MYRIP: variants seen among roughly 807,000 people sequenced by gnomAD.
The protein encoded by MYRIP is myosin VIIA and Rab interacting protein.
Under a neutral mutation model 98.0 loss-of-function variants are expected in MYRIP, and 49 were observed. The ratio of observed to expected loss-of-function variants is 0.50; its 90% CI spans 0.40 to 0.63. The LOEUF is 0.63. Ranked by LOEUF, MYRIP falls within the 30% of genes least tolerant of loss-of-function variation. The probability of loss-of-function intolerance (pLI) is 0.00; values close to 1 mark genes in which losing one functional copy is unlikely to be tolerated. For synonymous variants in MYRIP, 404 were observed against 409.5 expected (o/e 0.99, Z 0.16); for missense variants, 1,004 against 1,058.2 (o/e 0.95, Z 0.71).
chr3:40,192,248 A>C (rs61240723), intron 10 of MYRIP, among the ~76,000 whole-genome samples: 127,278 of 140,046 alleles, frequency 0.91, 57,987 homozygotes, highest in Middle Eastern at 0.96. Flanking sequence ...AGCCACTGCA[A>C]CAGGCCCTCA....
intron 9 of MYRIP, among the ~76,000 whole-genome samples, chr3:40,183,352 T>G (rs1950942467): frequency 6.6e-6 from 1 of 152,166 alleles, no homozygotes; most frequent in Non-Finnish European, 1.5e-5. Context: ...TCTTCCTGAT[T>G]CCTCCCCCTA....
At chr3:40,023,558 A>G (rs1947051506) in intron 2 of MYRIP, among the ~76,000 whole-genome samples, 1 of 152,178 alleles carries the variant, frequency 6.6e-6, no homozygotes, top group South Asian at 2.1e-4. Context: ...CACTGCAAGA[A>G]GGAACCAAGC....
intron 3 of MYRIP, among the ~76,000 whole-genome samples, chr3:40,129,440 CAAAAAAAAAAAAAAA>C (rs386396419): frequency 4.4e-4 from 13 of 29,356 alleles, no homozygotes; most frequent in Non-Finnish European, 4.8e-4. Context: ...GACTCTGTCT[CAAAAAAAAAAAAAAA>C]AAAAAAAAAA....
chr3:39,843,763 A>T (rs1941878246), intron 1 of MYRIP, among the ~76,000 whole-genome samples: 1 of 152,180 alleles, frequency 6.6e-6, no homozygotes. Context: ...TGTATCAGGA[A>T]GGGGTATAGT....
intron 1 of MYRIP, among the ~76,000 whole-genome samples, chr3:39,832,107 C>G (rs1281043280): frequency 6.6e-6 from 1 of 152,146 alleles, no homozygotes; most frequent in African/African-American, 2.4e-5. Context: ...TTCCTCTCAC[C>G]CTGTGTGCAT....
In MYRIP at chr3:40,113,713, A is replaced by C. The variant is rs552512074; in HGVS notation, c.333-37335A>C. Among the ~76,000 whole-genome samples the C allele has an allele frequency of 1.6e-4, 25 of 152,164 alleles. No individual in the cohort carries two copies. The South Asian group carries it at 4.8e-3, about 29-fold the overall frequency. ...GTTTGTTTTTTTGTTTTTTTGAGAC[A>C]GAGTCTCGCTCTTTCGCCCAGGCCA... On this transcript the variant is annotated intron_variant, in intron 3 of 16. Coordinates refer to ENST00000302541, the MANE Select transcript of MYRIP (RefSeq NM_015460.4).
intron 16 of MYRIP, among the ~76,000 whole-genome samples, chr3:40,256,418 A>G (rs577404769): frequency 6.6e-6 from 1 of 152,316 alleles, no homozygotes; most frequent in East Asian, 1.9e-4. Flanking sequence ...AATATTAAAT[A>G]TTTTGTTCCT....
At chr3:40,113,947 C>T (rs1949215753) in intron 3 of MYRIP, among the ~76,000 whole-genome samples, 1 of 152,128 alleles carries the variant, frequency 6.6e-6, no homozygotes, top group Admixed American at 6.5e-5. Context: ...CCTTGGCCTC[C>T]CAAAGTGCTG....
chr3:39,956,348 A>C (rs938407893), intron 2 of MYRIP, among the ~76,000 whole-genome samples: 3 of 152,134 alleles, frequency 2.0e-5, no homozygotes, highest in African/African-American at 4.8e-5. Context: ...ACAGTGCAAT[A>C]AAACTAGAAC....
chr3:39,979,655 C>CAAAAAAAAAAAA (rs56328162), intron 2 of MYRIP, among the ~76,000 whole-genome samples: 6 of 131,150 alleles, frequency 4.6e-5, no homozygotes, highest in East Asian at 2.6e-4. Flanking sequence ...CAAAACAAAA[C>CAAAAAAAAAAAA]AAAAAAAAAA....
At chr3:40,157,642 G>A (rs1207830916) in intron 4 of MYRIP, among the ~76,000 whole-genome samples, 4 of 147,708 alleles carry the variant, frequency 2.7e-5, no homozygotes, top group Admixed American at 6.8e-5. Flanking sequence ...TTTTTGGTTG[G>A]TAAGCTATTG....
intron 2 of MYRIP, among the ~76,000 whole-genome samples, chr3:39,971,095 G>A (rs1293857743): frequency 1.3e-5 from 2 of 151,996 alleles, no homozygotes; most frequent in Non-Finnish European, 2.9e-5. Context: ...ACAAAACAAA[G>A]TACTTTGAGT....
intron 2 of MYRIP, among the ~76,000 whole-genome samples, chr3:39,998,714 T>C (rs911638864): frequency 2.0e-5 from 3 of 152,114 alleles, no homozygotes; most frequent in East Asian, 1.9e-4. Context: ...GAGCCCGCAT[T>C]GCCAAGTCAA....
chr3:40,150,366 C>G (rs1032441933), intron 3 of MYRIP, among the ~76,000 whole-genome samples: 1 of 152,224 alleles, frequency 6.6e-6, no homozygotes, highest in Admixed American at 6.5e-5. Flanking sequence ...GCTGGGATTA[C>G]AGGCATGAGC....
At chr3:40,034,665 T>C (rs78282897) in intron 2 of MYRIP, among the ~76,000 whole-genome samples, 47,060 of 141,880 alleles carry the variant, frequency 0.33, 9,166 homozygotes, top group Non-Finnish European at 0.38. Context: ...GTGGGTGTGG[T>C]GATTCCTCAG....
intron 2 of MYRIP, among the ~76,000 whole-genome samples, chr3:39,949,483 G>T (rs1944964449): frequency 6.6e-6 from 1 of 151,926 alleles, no homozygotes; most frequent in African/African-American, 2.4e-5. Flanking sequence ...ACTTATTGAG[G>T]TATCATGAGG....
intron 3 of MYRIP, among the ~76,000 whole-genome samples, chr3:40,045,405 AG>A (rs970165776): frequency 2.6e-5 from 4 of 152,186 alleles, no homozygotes; most frequent in Admixed American, 6.5e-5. Context: ...GGTCAGAGCA[AG>A]GAGCCCATCT....
At chr3:40,117,894 A>G (rs1347099538) in intron 3 of MYRIP, among the ~76,000 whole-genome samples, 2 of 152,232 alleles carry the variant, frequency 1.3e-5, no homozygotes, top group African/African-American at 4.8e-5. Context: ...CCATAAAAAT[A>G]AAAACATCTC....
intron 2 of MYRIP, among the ~76,000 whole-genome samples, chr3:39,913,500 A>G (rs1944076558): frequency 6.6e-6 from 1 of 152,222 alleles, no homozygotes; most frequent in South Asian, 2.1e-4. Flanking sequence ...GTGACAAGAT[A>G]CTATCAGAAT....
Sources: allele counts gnomAD v4.1 joint callset (sites outside exome capture counted in the v4.1 genomes callset), GRCh38; gene constraint gnomAD v4.1.1; transcripts MANE v1.5; gene names NCBI Gene and HGNC (gene_info 2026-07-23, HGNC 2026-07-21).